The following INSR variants were observed in gnomAD, a reference collection of about 807,000 sequenced individuals.
The protein encoded by INSR is IR.
In INSR, 67 loss-of-function variants were observed where a neutral mutation model predicts 142.6. That is an observed-to-expected ratio of 0.47 (90% CI 0.39 to 0.58). The LOEUF (loss-of-function observed/expected upper bound fraction) is 0.58, where lower values mean the gene tolerates loss of function less well. INSR is among the 20% of genes least tolerant of loss of function. INSR has a pLI of 0.00. For synonymous variants in INSR, 756 were observed against 743.1 expected (o/e 1.02, Z -0.28); for missense variants, 1,248 against 1,833.2 (o/e 0.68, Z 5.83).
intron 3 of INSR, among the ~76,000 whole-genome samples, chr19:7,179,970 A>G (rs1395876355): frequency 1.3e-5 from 2 of 152,206 alleles, no homozygotes; most frequent in African/African-American, 4.8e-5. Context: ...GCACTTGAAC[A>G]TTGAGGTCTG....
rs535785506 is a variant in INSR, at chr19:7,150,392, G to T, written c.2267+105C>A. 2.6e-5 allele frequency: 25 copies of T among 972,140 alleles called. No homozygotes were observed. The highest frequency in any genetic ancestry group is 2.3e-4 in the South Asian group (17 of 74,658). The allele number at this position is 972,140 out of a possible 1,614,324, so 60.2% of individuals were successfully genotyped here. ...CTGCTCTCCAGCACAGCTGCCCGCC[G>T]CATGCAAAAAGCCACAGAAACCCCT... is the stretch of plus-strand genomic sequence containing the variant. On this transcript the variant is annotated intron_variant, in intron 11 of 21. Coordinates refer to ENST00000302850, the MANE Select transcript of INSR (RefSeq NM_000208.4). The surrounding 1 kb of genome is among the most constrained non-coding windows in gnomAD (Gnocchi z 4.2).
rs546916781 is a variant in INSR at position 7,166,546 on chromosome 19, C to T, written c.1611-142G>A. The T allele has an allele frequency of 1.1e-4, 99 of 908,478 alleles. 1 individual carries two copies. The African/African-American group carries it at 1.4e-3, about 13-fold the overall frequency. The allele number at this position is 908,478 out of a possible 1,614,324, so 56.3% of individuals were successfully genotyped here. On this transcript the variant is annotated intron_variant, in intron 7 of 21. Coordinates refer to ENST00000302850, the MANE Select transcript of INSR (RefSeq NM_000208.4). This position sits in a 1 kb window ranked among gnomAD's most constrained non-coding sequence, Gnocchi z 4.1. ...TCTAATGCCACAAGAAAAAATAACT[C>T]GGGAACAGCCAAAGAGAAAGGAACT...
chr19:7,260,303 C>A (rs1444705293), intron 2 of INSR, among the ~76,000 whole-genome samples: 3 of 152,146 alleles, frequency 2.0e-5, no homozygotes, highest in Non-Finnish European at 4.4e-5. Flanking sequence ...TTTCCCCTGG[C>A]ACCCAGCATG....
chr19:7,235,013 G>A (rs1036642082), intron 2 of INSR, among the ~76,000 whole-genome samples: 2 of 151,946 alleles, frequency 1.3e-5, no homozygotes, highest in East Asian at 3.9e-4. Flanking sequence ...AGCTGAAATT[G>A]CATCACTGCA....
intron 19 of INSR, among the ~76,000 whole-genome samples, chr19:7,121,049 G>C (rs539481280): frequency 6.6e-6 from 1 of 152,014 alleles, no homozygotes; most frequent in Non-Finnish European, 1.5e-5. Context: ...CCAGGCTGGA[G>C]TGCAGTGGTG....
At chr19:7,133,217 G>A (rs1375609117) in intron 13 of INSR, among the ~76,000 whole-genome samples, 3 of 152,126 alleles carry the variant, frequency 2.0e-5, no homozygotes, top group Admixed American at 2.0e-4. Flanking sequence ...AGCTATGAAG[G>A]CTCCACCGTA....
intron 11 of INSR, among the ~76,000 whole-genome samples, chr19:7,143,884 G>A (rs1307086006): frequency 2.0e-5 from 3 of 151,998 alleles, no homozygotes; most frequent in South Asian, 2.1e-4. Flanking sequence ...GGGAAACCCC[G>A]TCTCTACTAA....
intron 2 of INSR, among the ~76,000 whole-genome samples, chr19:7,203,095 G>A (rs1206112529): frequency 6.7e-6 from 1 of 150,162 alleles, no homozygotes; most frequent in Non-Finnish European, 1.5e-5. Flanking sequence ...GCAAAGTTCA[G>A]TCCTATCTGT....
rs551208837 is a variant in INSR at position 7,245,187 on chromosome 19, C to T, written c.652+22158G>A. 4.6e-5 allele frequency among the ~76,000 whole-genome samples: 7 copies of T among 152,146 alleles called. No individual in the cohort carries two copies. The South Asian group carries it at 1.2e-3, about 27-fold the overall frequency. ...TCCTGACCTCGTGATCCACCTGCCT[C>T]GGCCTCCCCAAGTGCTGGGATTACA... On this transcript the variant is annotated intron_variant, in intron 2 of 21. Transcript: ENST00000302850.
At chr19:7,263,032 C>G (rs748189678) in intron 2 of INSR, among the ~76,000 whole-genome samples, 2 of 152,164 alleles carry the variant, frequency 1.3e-5, no homozygotes, top group Non-Finnish European at 2.9e-5. Context: ...AATCCCAGCA[C>G]TTTGCGAGGC....
intron 2 of INSR, among the ~76,000 whole-genome samples, chr19:7,194,114 G>A (rs1412455851): frequency 1.3e-5 from 2 of 152,098 alleles, no homozygotes; most frequent in East Asian, 3.9e-4. Context: ...TTTTACAAAG[G>A]TTCTCTTAAA....
intron 13 of INSR, among the ~76,000 whole-genome samples, chr19:7,137,045 C>A (rs907922032): frequency 3.9e-5 from 6 of 151,902 alleles, no homozygotes; most frequent in Admixed American, 1.3e-4. Flanking sequence ...GCTGGCCAGG[C>A]TGGTCTTGAA....
chr19:7,190,516 C>T (rs748924121), intron 2 of INSR, among the ~76,000 whole-genome samples: 2 of 151,876 alleles, frequency 1.3e-5, no homozygotes, highest in Admixed American at 6.6e-5. Context: ...GGATTACAGG[C>T]GCCCGTCATC....
chr19:7,212,760 T>C (rs1352811943), intron 2 of INSR, among the ~76,000 whole-genome samples: 2 of 152,022 alleles, frequency 1.3e-5, no homozygotes, highest in African/African-American at 2.4e-5. Context: ...TAATTTTTTG[T>C]ATTTTTAGTA....
chr19:7,119,857 C>A lies in INSR; in HGVS notation c.3660-274G>T, dbSNP rs555144543. On this transcript the variant is annotated intron_variant, in intron 20 of 21. Coordinates refer to ENST00000302850, the MANE Select transcript of INSR (RefSeq NM_000208.4). The surrounding 1 kb of genome is among the most constrained non-coding windows in gnomAD (Gnocchi z 5.2). ...ACACACACCCAAACACACACACGCA[C>A]ACACATGCAAACACACACAAACACA... 1.3e-4 allele frequency among the ~76,000 whole-genome samples: 6 copies of A among 44,918 alleles called. No individual in the cohort carries two copies. The highest frequency in any genetic ancestry group is 6.5e-4 in the South Asian group (1 of 1,542). The allele number at this position is 44,918 out of a possible 152,430, so 29.5% of individuals were successfully genotyped here. A position where few individuals can be genotyped will look rare whatever the true frequency, so the allele number is the denominator to read the frequency against.
chr19:7,152,993 A>ACCC lies in INSR; in HGVS notation c.2030-67_2030-66insGGG, dbSNP rs773111548. ...GCTGAACACACATACACACACACAC[A>ACCC]CACCCCACACACACACACACCACAC... On this transcript the variant is annotated intron_variant, in intron 9 of 21. Transcript: ENST00000302850. The ACCC allele has an allele frequency of 1.6e-5, 11 of 690,610 alleles. 1 individual carries two copies. The highest frequency in any genetic ancestry group is 4.4e-4 in the Middle Eastern group (1 of 2,260). 42.8% of individuals were successfully genotyped at this position (690,610 alleles called of 1,614,324 possible).
At chr19:7,227,321 G>A (rs529964289) in intron 2 of INSR, among the ~76,000 whole-genome samples, 44 of 151,794 alleles carry the variant, frequency 2.9e-4, no homozygotes, top group African/African-American at 9.9e-4. Context: ...TGCCCAGGCT[G>A]GAGTGCAGTG....
At chr19:7,280,413 C>G (rs1968175730) in intron 1 of INSR, among the ~76,000 whole-genome samples, 1 of 151,606 alleles carries the variant, frequency 6.6e-6, no homozygotes, top group East Asian at 2.0e-4. Context: ...CCCGTCTCTA[C>G]CAAAAATATA....
chr19:7,249,956 C>T (rs940066111), intron 2 of INSR, among the ~76,000 whole-genome samples: 18 of 151,834 alleles, frequency 1.2e-4, no homozygotes, highest in African/African-American at 4.3e-4. Flanking sequence ...CGCACCACTG[C>T]ACTCCAACCT....
Sources: allele counts gnomAD v4.1 joint callset (sites outside exome capture counted in the v4.1 genomes callset), GRCh38; gene constraint gnomAD v4.1.1; non-coding constraint Gnocchi (gnomAD v3.1); transcripts MANE v1.5; gene names NCBI Gene and HGNC (gene_info 2026-07-23, HGNC 2026-07-21).